Variants in SPRR2D observed in about 807,000 individuals in gnomAD.
SPRR2D encodes small proline-rich protein 2D.
For synonymous variants in SPRR2D, 43 were observed against 32.8 expected (o/e 1.31, Z -1.06); for missense variants, 81 against 87.2 (o/e 0.93, Z 0.28).
chr1:153,040,134 G>A lies in SPRR2D; in HGVS notation c.213C>T (p.Ser71=), dbSNP rs755785272. The change falls in exon 2 of 2, where the codon AGC becomes AGT. Residue 71 remains serine, a synonymous_variant. Coordinates refer to ENST00000360379, the MANE Select transcript of SPRR2D (RefSeq NM_006945.5). ...CTGATGAATCCTGAAGCTGTTACTT[G>A]CTCTTGGGTGGACACTTTGGCTGGC... is the stretch of plus-strand genomic sequence containing the variant. The part of the protein sequence containing the change: ...PPCQPKCPPK[S]K The A allele has an allele frequency of 4.3e-6, 7 of 1,612,470 alleles. No homozygotes were observed. The highest frequency in any genetic ancestry group is 5.9e-6 in the Non-Finnish European group (7 of 1,179,770).
At position 153,039,811 on chromosome 1, in the gene SPRR2D, A is replaced by C; in HGVS notation, c.*317T>G. ...TGGTAGAAGCTCATGACCAGGTGAC[A>C]GACAGACACAGAACACATCAACAGA... On this transcript the variant is annotated 3_prime_UTR_variant, in exon 2 of 2. Transcript: ENST00000360379. 2.1e-6 allele frequency: 1 copy of C among 485,304 alleles called. No homozygotes were observed. The highest frequency in any genetic ancestry group is 3.7e-5 in the Admixed American group (1 of 26,860). The allele number at this position is 485,304 out of a possible 1,614,324, so 30.1% of individuals were successfully genotyped here. A position where few individuals can be genotyped will look rare whatever the true frequency, so the allele number is the denominator to read the frequency against.
intron 1 of SPRR2D, 114 bp from the exon 2 acceptor site, chr1:153,040,479 C>T (rs1265010619): frequency 2.0e-6 from 3 of 1,489,092 alleles, no homozygotes; most frequent in Middle Eastern, 4.8e-4. Flanking sequence ...ATTATTTAAA[C>T]TCTTAACTGC....
At chr1:153,040,693 C>G (rs1653966587) in intron 1 of SPRR2D, 3 of 423,946 alleles carry the variant, frequency 7.1e-6, no homozygotes, top group Non-Finnish European at 1.3e-5. Flanking sequence ...AGCCATTTCT[C>G]TTATCATTAT....
At chr1:153,040,557 G>T in intron 1 of SPRR2D, 192 bp from the exon 2 acceptor site, 1 of 1,002,534 alleles carries the variant, frequency 1.0e-6, no homozygotes, top group Non-Finnish European at 1.4e-6. Flanking sequence ...GGGAAATCTT[G>T]TGTTTTCTCA....
chr1:153,040,515 C>T (rs72704879), intron 1 of SPRR2D, 150 bp from the exon 2 acceptor site: 83,670 of 1,370,474 alleles, frequency 0.061, 2,933 homozygotes, highest in Non-Finnish European at 0.071. Flanking sequence ...TCGTTTCTCC[C>T]TTCCACTTTA....
intron 1 of SPRR2D, 137 bp from the exon 2 acceptor site, chr1:153,040,502 A>G (rs781685771): frequency 7.1e-7 from 1 of 1,410,324 alleles, no homozygotes; most frequent in Non-Finnish European, 9.4e-7. Flanking sequence ...TTTCAAGACT[A>G]CTTCGTTTCT....
intron 1 of SPRR2D, chr1:153,040,704 C>A: frequency 2.6e-6 from 1 of 386,900 alleles, no homozygotes; most frequent in Non-Finnish European, 4.8e-6. Flanking sequence ...TTATCATTAT[C>A]TGTAGTAAAG....
In SPRR2D at chr1:153,040,105, G is replaced by T; in HGVS notation, c.*23C>A. The T allele has an allele frequency of 6.2e-7, 1 of 1,608,258 alleles. No homozygotes were observed. Among genetic ancestry groups the T allele is most frequent in the Non-Finnish European group, 8.5e-7 (1 of 1,177,804 alleles). ...GAGCCAATTATCCTTATCCTCTCAT[G>T]CTCCTGATGAATCCTGAAGCTGTTA... On this transcript the variant is annotated 3_prime_UTR_variant, in exon 2 of 2. Coordinates refer to ENST00000360379, the MANE Select transcript of SPRR2D (RefSeq NM_006945.5).
At chr1:153,040,491 T>G in intron 1 of SPRR2D, 126 bp from the exon 2 acceptor site, 3 of 1,437,362 alleles carry the variant, frequency 2.1e-6, no homozygotes, top group Non-Finnish European at 2.8e-6. Context: ...CTTAACTGCC[T>G]TTTCAAGACT....
In SPRR2D at chr1:153,039,836, A is replaced by T. The variant is rs1653934109; in HGVS notation, c.*292T>A. 1.8e-6 allele frequency: 1 copy of T among 570,240 alleles called. No individual in the cohort carries two copies. The highest frequency in any genetic ancestry group is 3.0e-6 in the Non-Finnish European group (1 of 330,608). 35.3% of individuals were successfully genotyped at this position (570,240 alleles called of 1,614,324 possible). On this transcript the variant is annotated 3_prime_UTR_variant, in exon 2 of 2. Transcript: ENST00000360379. Reference sequence around the variant, plus strand: ...AGACAGACACAGAACACATCAACAGAATTGTCTGATGGTTCCCAGGGAGAG... The same window carrying T: ...AGACAGACACAGAACACATCAACAGTATTGTCTGATGGTTCCCAGGGAGAG...
chr1:153,040,582 A>G lies in SPRR2D; in HGVS notation c.-19-217T>C, dbSNP rs536649950. 3 of 805,772 alleles carry G rather than the reference A, an allele frequency of 3.7e-6. No individual in the cohort carries two copies. In the Admixed American group the frequency reaches 8.8e-5, roughly 24 times the overall value. The allele number at this position is 805,772 out of a possible 1,614,324, so 49.9% of individuals were successfully genotyped here. A position where few individuals can be genotyped will look rare whatever the true frequency, so the allele number is the denominator to read the frequency against. On this transcript the variant is annotated intron_variant, in intron 1 of 1. Coordinates refer to ENST00000360379, the MANE Select transcript of SPRR2D (RefSeq NM_006945.5). ...GTGTTTTCTCATACAATTTTTCCAA[A>G]GAAAATATCTCTGTAGTAATGAACC...
chr1:153,040,457 C>T, intron 1 of SPRR2D, 92 bp from the exon 2 acceptor site: 1 of 1,551,690 alleles, frequency 6.4e-7, no homozygotes, highest in South Asian at 1.2e-5. Context: ...ATTATTTCCC[C>T]ATCTCCAAGA....
In SPRR2D at chr1:153,040,232, G is replaced by C; in HGVS notation, c.115C>G (p.Pro39Ala). 3 of 1,612,764 alleles carry C rather than the reference G, an allele frequency of 1.9e-6. No homozygotes were observed. Among genetic ancestry groups the C allele is most frequent in the Non-Finnish European group, 2.5e-6 (3 of 1,179,866 alleles). ...GGTGGGCAGGGCTGTGGACACTTTG[G>C]TGATGGGCAGGGCTCAGGGCACTTC... The part of the protein sequence containing the change: ...PPKCPEPCPS[P>A]KCPQPCPPQQ... Residue 39 changes from proline to alanine, a missense_variant, in exon 2 of 2, where the codon CCA becomes GCA. Transcript: ENST00000360379.
chr1:153,039,992 G>T lies in SPRR2D; in HGVS notation c.*136C>A. 1 of 1,470,752 alleles carries T rather than the reference G, an allele frequency of 6.8e-7. No homozygotes were observed. Among genetic ancestry groups the T allele is most frequent in the Middle Eastern group, 2.6e-4 (1 of 3,896 alleles). 91.1% of individuals were successfully genotyped at this position (1,470,752 alleles called of 1,614,324 possible). On this transcript the variant is annotated 3_prime_UTR_variant, in exon 2 of 2. Transcript: ENST00000360379. ...CTTTTGCTGTCACAGATCATCACAG[G>T]CAGGCCACAGGTTAAGGAGAAAGAA...
At position 153,039,913 on chromosome 1, in the gene SPRR2D, C is replaced by G. The variant is rs978454050; in HGVS notation, c.*215G>C. 2.2e-5 allele frequency: 22 copies of G among 1,003,500 alleles called. No individual in the cohort carries two copies. The highest frequency in any genetic ancestry group is 3.1e-5 in the Non-Finnish European group (22 of 699,864). The allele number at this position is 1,003,500 out of a possible 1,614,324, so 62.2% of individuals were successfully genotyped here. ...TGGGAGCTGGCACAGCTGAGGACTT[C>G]CTTTTCTTAGCTCCACCTGGACAGT... On this transcript the variant is annotated 3_prime_UTR_variant, in exon 2 of 2. Transcript: ENST00000360379.
rs1006017120 is a variant in SPRR2D, at chr1:153,039,993, C to T, written c.*135G>A. The T allele has an allele frequency of 2.7e-6, 4 of 1,473,168 alleles. No homozygotes were observed. The highest frequency in any genetic ancestry group is 3.7e-6 in the Non-Finnish European group (4 of 1,095,418). 91.3% of individuals were successfully genotyped at this position (1,473,168 alleles called of 1,614,324 possible). ...TTTTGCTGTCACAGATCATCACAGG[C>T]AGGCCACAGGTTAAGGAGAAAGAAG... On this transcript the variant is annotated 3_prime_UTR_variant, in exon 2 of 2. Coordinates refer to ENST00000360379, the MANE Select transcript of SPRR2D (RefSeq NM_006945.5).
rs1557900956 is a variant in SPRR2D, at chr1:153,040,080, G to A, written c.*48C>T. On this transcript the variant is annotated 3_prime_UTR_variant, in exon 2 of 2. Coordinates refer to ENST00000360379, the MANE Select transcript of SPRR2D (RefSeq NM_006945.5). ...TGCAAGTGGAGCTGTGGAACGAGGT[G>A]AGCCAATTATCCTTATCCTCTCATG... The A allele has an allele frequency of 6.3e-7, 1 of 1,583,578 alleles. No individual in the cohort carries two copies. Among genetic ancestry groups the A allele is most frequent in the Non-Finnish European group, 8.6e-7 (1 of 1,164,334 alleles).
intron 1 of SPRR2D, 98 bp from the exon 2 acceptor site, chr1:153,040,463 C>A: frequency 6.5e-7 from 1 of 1,537,822 alleles, no homozygotes; most frequent in Non-Finnish European, 8.7e-7. Flanking sequence ...TCCCCATCTC[C>A]AAGAAATTAT....
rs1242250048 is a variant in SPRR2D, at chr1:153,040,297, A to G, written c.50T>C (p.Val17Ala). The G allele has an allele frequency of 5.0e-6, 8 of 1,612,220 alleles. No individual in the cohort carries two copies. In the East Asian group the frequency reaches 1.8e-4, roughly 36 times the overall value. Residue 17 changes from valine to alanine, a missense_variant, in exon 2 of 2, where the codon GTG (valine) becomes GCG (alanine). By Grantham distance (64) the Val-to-Ala change is moderately conservative. Coordinates refer to ENST00000360379, the MANE Select transcript of SPRR2D (RefSeq NM_006945.5). ...CTCTGGGCACTTTGGCGTGGGGCACACAGGAGGTGGCTGGCAGGGCTGCTT... is the reference window on the plus strand; with the variant it reads ...CTCTGGGCACTTTGGCGTGGGGCACGCAGGAGGTGGCTGGCAGGGCTGCTT... ...QCKQPCQPPP[V>A]CPTPKCPEPC...
Sources: allele counts gnomAD v4.1 joint callset, GRCh38; gene constraint gnomAD v4.1.1; transcripts MANE v1.5; gene names NCBI Gene and HGNC (gene_info 2026-07-23, HGNC 2026-07-21).